The following CDKN2B-AS1 variants were observed in gnomAD, a reference collection of about 807,000 sequenced individuals.
CDKN2B-AS1 encodes the protein CDKN2B antisense RNA 1 (non-protein coding).
At chr9:22,069,982 T>G (rs1374852937) in intron 4 of CDKN2B-AS1, among the ~76,000 whole-genome samples, 1 of 152,122 alleles carries the variant, frequency 6.6e-6, no homozygotes, top group African/African-American at 2.4e-5. Flanking sequence ...TTCTATTTTT[T>G]GGGAATGTGC....
At chr9:22,021,244 T>C (rs997703667) in intron 1 of CDKN2B-AS1, among the ~76,000 whole-genome samples, 1 of 152,098 alleles carries the variant, frequency 6.6e-6, no homozygotes, top group African/African-American at 2.4e-5. Flanking sequence ...GTCTGCTTTT[T>C]TTTATGTTCT....
rs2069426 is a variant in CDKN2B-AS1, at chr9:22,006,274, G to A, written n.29+11113G>A. 6.2e-7 allele frequency: 1 copy of A among 1,600,652 alleles called. No individual in the cohort carries two copies. Among genetic ancestry groups the A allele is most frequent in the East Asian group, 2.2e-5 (1 of 44,876 alleles). ...TGCCAGAGAGAGCAGAGTGGTCAGA[G>A]CCAGGGTGGGGGCAGGTATGGGAGA... On this transcript the variant is annotated intron_variant and non_coding_transcript_variant, in intron 1 of 4. Coordinates refer to ENST00000650946, the Ensembl canonical transcript of CDKN2B-AS1. The surrounding 1 kb of genome is among the most constrained non-coding windows in gnomAD (Gnocchi z 6.4).
intron 4 of CDKN2B-AS1, among the ~76,000 whole-genome samples, chr9:22,067,690 G>A (rs561785719): frequency 2.0e-5 from 3 of 152,106 alleles, no homozygotes; most frequent in Non-Finnish European, 2.9e-5. Flanking sequence ...CATAGCAGGG[G>A]TTTCATAAAT....
At chr9:22,077,129 A>G (rs1824526992) in intron 4 of CDKN2B-AS1, among the ~76,000 whole-genome samples, 1 of 152,078 alleles carries the variant, frequency 6.6e-6, no homozygotes, top group South Asian at 2.1e-4. Flanking sequence ...TCACTATTTT[A>G]TTCTCTATTT....
intron 1 of CDKN2B-AS1, among the ~76,000 whole-genome samples, chr9:21,998,476 C>G (rs1285051867): frequency 6.6e-6 from 1 of 152,186 alleles, no homozygotes; most frequent in Non-Finnish European, 1.5e-5. Flanking sequence ...ATCAGGCAGG[C>G]CTTTGGGTTA....
chr9:22,042,559 C>T (rs1011632670), intron 1 of CDKN2B-AS1, among the ~76,000 whole-genome samples: 1 of 152,064 alleles, frequency 6.6e-6, no homozygotes, highest in African/African-American at 2.4e-5. Flanking sequence ...ATCCCACCCT[C>T]CCTGAAGTAC....
At chr9:22,086,561 T>C (rs1025970199) in intron 4 of CDKN2B-AS1, among the ~76,000 whole-genome samples, 4 of 152,212 alleles carry the variant, frequency 2.6e-5, no homozygotes, top group African/African-American at 9.6e-5. Context: ...ATTCTTTTTT[T>C]CCCATGACTT....
At chr9:22,047,699 T>C (rs1268865938) in intron 2 of CDKN2B-AS1, among the ~76,000 whole-genome samples, 1 of 152,188 alleles carries the variant, frequency 6.6e-6, no homozygotes, top group African/African-American at 2.4e-5. Context: ...TAGAACCAAA[T>C]AACTCTTTTC....
chr9:22,067,409 C>G (rs1256346948), intron 4 of CDKN2B-AS1, among the ~76,000 whole-genome samples: 1 of 152,110 alleles, frequency 6.6e-6, no homozygotes, highest in African/African-American at 2.4e-5. Flanking sequence ...AATGAAGCTT[C>G]ATAGAACAAG....
At chr9:22,036,350 A>G (rs1822687753) in intron 1 of CDKN2B-AS1, among the ~76,000 whole-genome samples, 1 of 152,122 alleles carries the variant, frequency 6.6e-6, no homozygotes, top group South Asian at 2.1e-4. Flanking sequence ...CATTTGAATA[A>G]TACTGTAAGA....
intron 1 of CDKN2B-AS1, among the ~76,000 whole-genome samples, chr9:22,037,439 C>T (rs1822733513): frequency 1.3e-5 from 2 of 151,646 alleles, no homozygotes; most frequent in Admixed American, 6.6e-5. Context: ...GCGTAATCTA[C>T]ATCGGCTTCT....
rs892638302 is a variant in CDKN2B-AS1, at chr9:22,015,312, T to G, written n.29+20151T>G. 2.6e-5 allele frequency among the ~76,000 whole-genome samples: 4 copies of G among 152,304 alleles called. No individual in the cohort carries two copies. The South Asian group carries it at 6.2e-4, about 24-fold the overall frequency. On this transcript the variant is annotated intron_variant and non_coding_transcript_variant, in intron 1 of 4. Coordinates refer to ENST00000650946, the Ensembl canonical transcript of CDKN2B-AS1. ...TTTTTTCTATTTCTAGACTCTTTAT[T>G]AAGATTCATTTTCCTATGAAAAAGT...
intron 4 of CDKN2B-AS1, chr9:22,092,335 C>G (rs1825121022): frequency 6.6e-6 from 1 of 152,180 alleles, no homozygotes; most frequent in Non-Finnish European, 1.5e-5. Flanking sequence ...ATTCTGGCCT[C>G]ATAAAATGAG....
At chr9:22,116,281 G>T (rs553003620) in intron 4 of CDKN2B-AS1, among the ~76,000 whole-genome samples, 1 of 152,292 alleles carries the variant, frequency 6.6e-6, no homozygotes, top group South Asian at 2.1e-4. Context: ...GTTTGAGTAG[G>T]TATGGAGATG....
chr9:22,005,014 T>C lies in CDKN2B-AS1; in HGVS notation n.29+9853T>C, dbSNP rs1821095007. 4.3e-6 allele frequency: 1 copy of C among 233,028 alleles called. No individual in the cohort carries two copies. The highest frequency in any genetic ancestry group is 5.6e-5 in the Admixed American group (1 of 17,768). The allele number at this position is 233,028 out of a possible 1,614,324, so 14.4% of individuals were successfully genotyped here. A position where few individuals can be genotyped will look rare whatever the true frequency, so the allele number is the denominator to read the frequency against. ...GAGCCACTAGTTATGTTACTTAAAA[T>C]CTCCCCATTAAATAAGACAGTTGCT... On this transcript the variant is annotated intron_variant and non_coding_transcript_variant, in intron 1 of 4. Coordinates refer to ENST00000650946, the Ensembl canonical transcript of CDKN2B-AS1. The surrounding 1 kb of genome is among the most constrained non-coding windows in gnomAD (Gnocchi z 4.9).
chr9:22,003,791 T>C (rs3217989), intron 1 of CDKN2B-AS1: 11,764 of 232,192 alleles, frequency 0.051, 1,295 homozygotes, highest in African/African-American at 0.23. Context: ...TTTAAAATAG[T>C]TTTCAAACAA....
chr9:22,015,254 C>T (rs976706605), intron 1 of CDKN2B-AS1, among the ~76,000 whole-genome samples: 1 of 152,306 alleles, frequency 6.6e-6, no homozygotes, highest in African/African-American at 2.4e-5. Flanking sequence ...TATTTCTCCA[C>T]ATCCTCTCCA....
At chr9:22,100,886 TTCCCCTAA>T (rs1825459114) in intron 4 of CDKN2B-AS1, among the ~76,000 whole-genome samples, 1 of 152,208 alleles carries the variant, frequency 6.6e-6, no homozygotes. Context: ...TTGACTTCCA[TTCCCCTAA>T]TGACCAATGA....
At chr9:22,115,115 A>G (rs1316875175) in intron 4 of CDKN2B-AS1, among the ~76,000 whole-genome samples, 1 of 152,144 alleles carries the variant, frequency 6.6e-6, no homozygotes, top group African/African-American at 2.4e-5. Context: ...GCTATGTCAG[A>G]CAAAGGAAAC....
Sources: allele counts gnomAD v4.1 joint callset (sites outside exome capture counted in the v4.1 genomes callset), GRCh38; gene constraint gnomAD v4.1.1; non-coding constraint Gnocchi (gnomAD v3.1); transcripts MANE v1.5; gene names NCBI Gene and HGNC (gene_info 2026-07-23, HGNC 2026-07-21).